The following VPS50 variants were observed in gnomAD, a reference collection of about 807,000 sequenced individuals.
VPS50 encodes the protein syndetin.
In VPS50, 70 loss-of-function variants were observed where a neutral mutation model predicts 139.7. The ratio of observed to expected loss-of-function variants is 0.50; its 90% CI spans 0.41 to 0.61. VPS50 has a LOEUF of 0.61. VPS50 is among the 20% of genes least tolerant of loss of function. VPS50 has a pLI of 0.00. For missense variants in VPS50, 921 were observed against 1,133.7 expected, an observed-to-expected ratio of 0.81 and a Z score of 2.69; for synonymous variants, 365 against 376.7, an observed-to-expected ratio of 0.97 and a Z score of 0.36.
intron 21 of VPS50, among the ~76,000 whole-genome samples, chr7:93,328,214 G>A (rs1388443015): frequency 6.6e-6 from 1 of 151,850 alleles, no homozygotes; most frequent in Non-Finnish European, 1.5e-5. Context: ...TGTTTTCTTT[G>A]GTCTTTCTGG....
At chr7:93,312,218 A>T (rs574973331) in intron 20 of VPS50, among the ~76,000 whole-genome samples, 3 of 152,324 alleles carry the variant, frequency 2.0e-5, no homozygotes, top group East Asian at 1.9e-4. Context: ...AAAAGGATAG[A>T]TTCTAAAAAG....
chr7:93,271,559 G>A (rs147087219), intron 10 of VPS50, among the ~76,000 whole-genome samples: 2 of 151,668 alleles, frequency 1.3e-5, no homozygotes, highest in African/African-American at 4.8e-5. Context: ...TACTTTCTAT[G>A]TATTAATTAT....
At chr7:93,316,416 T>G (rs771685539) in intron 20 of VPS50, among the ~76,000 whole-genome samples, 1 of 152,120 alleles carries the variant, frequency 6.6e-6, no homozygotes, top group Non-Finnish European at 1.5e-5. Flanking sequence ...AAGGGGAAAC[T>G]GGAGAAGGTC....
At chr7:93,342,283 G>A (rs946571536) in intron 23 of VPS50, among the ~76,000 whole-genome samples, 55 of 152,200 alleles carry the variant, frequency 3.6e-4, no homozygotes, top group African/African-American at 1.1e-3. Flanking sequence ...CTTAAAAAAC[G>A]GTGCATCAGG....
intron 23 of VPS50, among the ~76,000 whole-genome samples, chr7:93,344,608 G>A (rs1798332494): frequency 6.6e-6 from 1 of 151,782 alleles, no homozygotes; most frequent in African/African-American, 2.4e-5. Flanking sequence ...AAATGTAAAA[G>A]AACAGAAATT....
intron 22 of VPS50, among the ~76,000 whole-genome samples, chr7:93,336,134 T>G (rs1429272471): frequency 6.6e-6 from 1 of 152,204 alleles, no homozygotes; most frequent in Non-Finnish European, 1.5e-5. Context: ...TATAGCTTAA[T>G]CAATCTGAAA....
intron 20 of VPS50, among the ~76,000 whole-genome samples, chr7:93,312,551 T>G (rs1331016386): frequency 6.6e-6 from 1 of 152,206 alleles, no homozygotes. Context: ...CTCTCTGTGA[T>G]TCTAGCCTTT....
chr7:93,244,637 C>T (rs1000565883), intron 2 of VPS50, among the ~76,000 whole-genome samples: 7 of 151,742 alleles, frequency 4.6e-5, no homozygotes, highest in Non-Finnish European at 5.9e-5. Flanking sequence ...ATTTTTTGAG[C>T]AGTTTTTGTT....
intron 12 of VPS50, among the ~76,000 whole-genome samples, chr7:93,289,702 A>G (rs868189903): frequency 6.6e-6 from 1 of 152,034 alleles, no homozygotes; most frequent in Non-Finnish European, 1.5e-5. Context: ...CTGGAGGAAT[A>G]TGTCTAATTT....
At chr7:93,325,993 C>T (rs900026348) in intron 21 of VPS50, among the ~76,000 whole-genome samples, 12 of 151,628 alleles carry the variant, frequency 7.9e-5, no homozygotes, top group Non-Finnish European at 2.9e-5. Context: ...AAGACACATG[C>T]ACACGTATGT....
intron 2 of VPS50, among the ~76,000 whole-genome samples, chr7:93,243,647 G>C (rs1265086569): frequency 6.6e-6 from 1 of 151,844 alleles, no homozygotes; most frequent in Non-Finnish European, 1.5e-5. Flanking sequence ...TTCTAAGTTT[G>C]TTAATCCATT....
At chr7:93,270,293 TG>T (rs1325774933) in intron 9 of VPS50, among the ~76,000 whole-genome samples, 1 of 151,984 alleles carries the variant, frequency 6.6e-6, no homozygotes, top group African/African-American at 2.4e-5. Context: ...ACTTCTCGCA[TG>T]TCTCATCCCA....
intron 20 of VPS50, 85 bp downstream of exon 20, chr7:93,311,357 T>C: frequency 1.3e-6 from 1 of 743,184 alleles, no homozygotes; most frequent in South Asian, 1.5e-5. Flanking sequence ...TTTATTGTCT[T>C]GTATACTCCA....
rs1554357001 is a variant in VPS50, at chr7:93,240,245, A to ACT, written c.102+312_102+313insTC. On this transcript the variant is annotated intron_variant, in intron 2 of 27. Transcript: ENST00000305866. The stretch of plus-strand genomic sequence containing the variant: ...CACACACACACACACACACACACAC[A>ACT]CACACTCTCTCTCTCTCTCTCTCTC... 2.0e-3 allele frequency among the ~76,000 whole-genome samples: 291 copies of ACT among 145,544 alleles called. 1 individual carries two copies. Among genetic ancestry groups the ACT allele is most frequent in the East Asian group, 0.014 (69 of 4,932 alleles).
intron 16 of VPS50, among the ~76,000 whole-genome samples, chr7:93,300,077 A>C (rs1362821174): frequency 6.6e-6 from 1 of 152,172 alleles, no homozygotes. Context: ...AAAATGCAAC[A>C]AATTAGATGA....
At chr7:93,287,842 A>G (rs915841057) in intron 12 of VPS50, among the ~76,000 whole-genome samples, 2 of 152,074 alleles carry the variant, frequency 1.3e-5, no homozygotes, top group Non-Finnish European at 2.9e-5. Flanking sequence ...GTGCATTAGT[A>G]TTGGCTTTCG....
rs374559537 is a variant in VPS50 at position 93,288,584 on chromosome 7, T to G, written c.943-3119T>G. The stretch of plus-strand genomic sequence containing the variant: ...TCCCCTCCTTGGGATTGTACTATTT[T>G]GCATCAGCAATGTATGAGAGTGCCT... On this transcript the variant is annotated intron_variant, in intron 12 of 27. Transcript: ENST00000305866. Among the ~76,000 whole-genome samples, 11 of 152,310 alleles carry G rather than the reference T, an allele frequency of 7.2e-5. No homozygotes were observed. The East Asian group carries it at 1.7e-3, about 24-fold the overall frequency.
intron 20 of VPS50, chr7:93,323,380 T>G (rs1042561007): frequency 5.8e-6 from 1 of 170,952 alleles, no homozygotes; most frequent in African/African-American, 2.4e-5. Flanking sequence ...ATTAGTACTC[T>G]CCAATATAAC....
intron 20 of VPS50, among the ~76,000 whole-genome samples, chr7:93,315,359 C>G (rs1158507637): frequency 1.3e-5 from 2 of 152,082 alleles, no homozygotes; most frequent in Non-Finnish European, 2.9e-5. Context: ...CAGCAAGTAT[C>G]CTTGAAGAAA....
Sources: gnomAD v4.1 joint callset for allele counts (sites outside exome capture counted in the v4.1 genomes callset) on GRCh38, gnomAD v4.1.1 for gene constraint, MANE v1.5 for transcripts, NCBI Gene and HGNC (gene_info 2026-07-23, HGNC 2026-07-21) for gene names.